The following NUFIP1 variants were observed in gnomAD, a reference collection of about 807,000 sequenced individuals.
NUFIP1 encodes the protein FMR1-interacting protein NUFIP1.
NUFIP1 carries 38 observed loss-of-function variants against 56.2 expected under a neutral mutation model. The ratio of observed to expected loss-of-function variants is 0.68; its 90% confidence interval spans 0.52 to 0.89. The LOEUF is 0.89. Among genes scored for constraint, NUFIP1 ranks in the 40% least tolerant of loss-of-function variants. The pLI is 0.00. For missense variants in NUFIP1, 567 were observed against 605.8 expected (o/e 0.94, Z 0.67); for synonymous variants, 215 against 212.4 (o/e 1.01, Z -0.10).
intron 8 of NUFIP1, among the ~76,000 whole-genome samples, chr13:44,949,406 T>C (rs1871009942): frequency 1.3e-5 from 2 of 151,674 alleles, no homozygotes; most frequent in South Asian, 2.1e-4. Context: ...TTTCACCGTT[T>C]TAGCCGGGAT....
intron 5 of NUFIP1, among the ~76,000 whole-genome samples, chr13:44,969,914 AC>A (rs1194319769): frequency 6.6e-6 from 1 of 152,216 alleles, no homozygotes; most frequent in Non-Finnish European, 1.5e-5. Flanking sequence ...CACAAGCTAC[AC>A]TATTGTACTT....
At position 44,949,840 on chromosome 13, in the gene NUFIP1, T is replaced by G; in HGVS notation, c.1022-2A>C. On this transcript the variant is annotated splice_acceptor_variant, in intron 7 of 9. Transcript: ENST00000379161. LOFTEE classifies it high-confidence loss of function. ...GTGGTTTCTCCTCCTTATCAGACTC[T>G]GAAGGGAAAAGAAGTCAGATTCAAA... The G allele has an allele frequency of 8.2e-7, 1 of 1,221,512 alleles. No individual in the cohort carries two copies. Among genetic ancestry groups the G allele is most frequent in the Non-Finnish European group, 1.2e-6 (1 of 827,370 alleles). 75.7% of individuals were successfully genotyped at this position (1,221,512 alleles called of 1,614,324 possible).
In NUFIP1 at chr13:44,989,364, C is replaced by G. The variant is rs1872573399; in HGVS notation, c.73G>C (p.Gly25Arg). ...GGCGGGGCAGTGTCGCTCAGGGGCC[C>G]TAACGTGGGAGTCAGCTCGGGAGAC... ...HASPELTPTLGPLSDTAPPRD... is the reference protein window; with the variant it reads ...HASPELTPTLRPLSDTAPPRD... Residue 25 changes from glycine to arginine, a missense_variant, in exon 1 of 10, where the codon GGG (glycine) becomes CGG (arginine). Gly to Arg is a moderately radical substitution (Grantham distance 125). Coordinates refer to ENST00000379161, the MANE Select transcript of NUFIP1 (RefSeq NM_012345.3). 2 of 1,613,380 alleles carry G rather than the reference C, an allele frequency of 1.2e-6. No homozygotes were observed. The highest frequency in any genetic ancestry group is 2.2e-5 in the East Asian group (1 of 44,830).
In NUFIP1 at chr13:44,951,955, G is replaced by A. The variant is rs1471128603; in HGVS notation, c.1022-2117C>T. 2.0e-5 allele frequency among the ~76,000 whole-genome samples: 3 copies of A among 152,320 alleles called. No individual in the cohort carries two copies. In the East Asian group the frequency reaches 5.8e-4, roughly 29 times the overall value. On this transcript the variant is annotated intron_variant, in intron 7 of 9. Coordinates refer to ENST00000379161, the MANE Select transcript of NUFIP1 (RefSeq NM_012345.3). ...AGGGTTGTGGTCACTAAAGGCTGGG[G>A]TGACTGTGGCAGTCTCTCTGCCTTG...
At chr13:44,986,966 C>A (rs1372584645) in intron 1 of NUFIP1, among the ~76,000 whole-genome samples, 1 of 152,096 alleles carries the variant, frequency 6.6e-6, no homozygotes, top group Non-Finnish European at 1.5e-5. Context: ...GGACCACAGG[C>A]ATTCCACCAC....
chr13:44,983,565 G>A (rs1320948320), intron 1 of NUFIP1, among the ~76,000 whole-genome samples: 1 of 152,136 alleles, frequency 6.6e-6, no homozygotes, highest in Non-Finnish European at 1.5e-5. Flanking sequence ...GGGAGGCCAA[G>A]GCGGGCAGAC....
chr13:44,986,046 C>T (rs893491211), intron 1 of NUFIP1, among the ~76,000 whole-genome samples: 4 of 152,168 alleles, frequency 2.6e-5, no homozygotes, highest in African/African-American at 9.7e-5. Flanking sequence ...GCCTCAAACT[C>T]CTGGGCTCAA....
At chr13:44,955,745 T>A (rs994484475) in intron 7 of NUFIP1, among the ~76,000 whole-genome samples, 4 of 151,714 alleles carry the variant, frequency 2.6e-5, no homozygotes, top group Non-Finnish European at 5.9e-5. Context: ...GGGTGTCCAA[T>A]CTTTTGGCCT....
At chr13:44,943,091 G>C (rs1465712735) in intron 9 of NUFIP1, among the ~76,000 whole-genome samples, 1 of 151,844 alleles carries the variant, frequency 6.6e-6, no homozygotes, top group South Asian at 2.1e-4. Context: ...GTTCTCAATA[G>C]ACATTTGTAC....
intron 2 of NUFIP1, 111 bp from the exon 3 acceptor site, chr13:44,980,931 T>C (rs1872167653): frequency 3.3e-6 from 2 of 614,538 alleles, no homozygotes; most frequent in South Asian, 4.4e-5. Flanking sequence ...CAATAACCCT[T>C]TCGTGTGGGA....
intron 1 of NUFIP1, among the ~76,000 whole-genome samples, chr13:44,982,814 C>T (rs544779367): frequency 1.3e-5 from 2 of 152,270 alleles, no homozygotes; most frequent in South Asian, 4.1e-4. Context: ...CATGACCAGC[C>T]TGGGTAACCT....
rs1274736013 is a variant in NUFIP1 at position 44,940,306 on chromosome 13, G to A, written c.*900C>T. 6.6e-6 allele frequency: 1 copy of A among 152,190 alleles called. No individual in the cohort carries two copies. Among genetic ancestry groups the A allele is most frequent in the African/African-American group, 2.4e-5 (1 of 41,440 alleles). The allele number at this position is 152,190 out of a possible 1,614,324, so 9.4% of individuals were successfully genotyped here. A position where few individuals can be genotyped will look rare whatever the true frequency, so the allele number is the denominator to read the frequency against. On this transcript the variant is annotated 3_prime_UTR_variant, in exon 10 of 10. Coordinates refer to ENST00000379161, the MANE Select transcript of NUFIP1 (RefSeq NM_012345.3). ...ATGCCAGGTGTTCCAAGATTCTGGA[G>A]AGGATTTTACCAACATGGAGGAGCT...
intron 8 of NUFIP1, among the ~76,000 whole-genome samples, chr13:44,944,609 C>A (rs1168870748): frequency 6.6e-6 from 1 of 151,990 alleles, no homozygotes; most frequent in Non-Finnish European, 1.5e-5. Context: ...AACACCCGAC[C>A]TAATACATTT....
intron 1 of NUFIP1, among the ~76,000 whole-genome samples, chr13:44,988,700 G>A (rs1228841086): frequency 6.6e-6 from 1 of 152,166 alleles, no homozygotes; most frequent in Non-Finnish European, 1.5e-5. Context: ...CAGTCAACAG[G>A]AAAACATTCT....
In NUFIP1 at chr13:44,979,888, AC is replaced by A. The variant is rs746529843; in HGVS notation, c.657+1del. The A allele has an allele frequency of 2.5e-6, 4 of 1,592,466 alleles. No homozygotes were observed. In the South Asian group the frequency reaches 4.7e-5, roughly 19 times the overall value. On this transcript the variant is annotated splice_donor_variant, in intron 4 of 9. Transcript: ENST00000379161. LOFTEE classifies it high-confidence loss of function. ...AAAATAGGATAAAAAAACAGAACTT[AC>A]ATTTCTCCAATGGAACTGGACAATC...
Position 44,989,074 on chromosome 13 carries a change from T to C in NUFIP1, c.363A>G (p.Arg121=), listed in dbSNP as rs763191482. ...GCCGAGGAAACCTATCAGAAGACTG[T>C]CTCCAATACCACGATGTGGAAGCAT... ...NFHASTSWYW[R]QSSDRFPRHQ... is the part of the protein sequence containing the mutation. The change falls in exon 1 of 10, where the codon AGA becomes AGG. Residue 121 remains arginine, a synonymous_variant. Transcript: ENST00000379161. 2.9e-5 allele frequency: 46 copies of C among 1,613,992 alleles called. No homozygotes were observed. Among genetic ancestry groups the C allele is most frequent in the Non-Finnish European group, 3.9e-5 (46 of 1,180,012 alleles).
chr13:44,944,954 G>GA (rs1351568566), intron 8 of NUFIP1, among the ~76,000 whole-genome samples: 1 of 151,990 alleles, frequency 6.6e-6, no homozygotes, highest in Non-Finnish European at 1.5e-5. Flanking sequence ...TTAGAAATGA[G>GA]AAAAGTCTAA....
rs1423608546 is a variant in NUFIP1, at chr13:44,939,597, C to T, written c.*1609G>A. The T allele has an allele frequency of 6.6e-6, 1 of 152,062 alleles. No individual in the cohort carries two copies. The highest frequency in any genetic ancestry group is 2.4e-5 in the African/African-American group (1 of 41,394). The allele number at this position is 152,062 out of a possible 1,614,324, so 9.4% of individuals were successfully genotyped here. A position where few individuals can be genotyped will look rare whatever the true frequency, so the allele number is the denominator to read the frequency against. On this transcript the variant is annotated 3_prime_UTR_variant, in exon 10 of 10. Coordinates refer to ENST00000379161, the MANE Select transcript of NUFIP1 (RefSeq NM_012345.3). ...TTCCATAAAGTAGAAACCATACAGG[C>T]TATATTATATCTCCTTAGAAATTTT...
rs1176197579 is a variant in NUFIP1 at position 44,959,445 on chromosome 13, C to A, written c.957G>T (p.Leu319Phe). 6.2e-7 allele frequency: 1 copy of A among 1,613,966 alleles called. No homozygotes were observed. Among genetic ancestry groups the A allele is most frequent in the African/African-American group, 1.3e-5 (1 of 74,928 alleles). The change falls in exon 7 of 10, where the codon TTG (leucine) becomes TTT (phenylalanine). Residue 319 changes from leucine (L) to phenylalanine (F), a missense_variant. Physicochemically the swap from Leu to Phe is conservative, Grantham distance 22. Transcript: ENST00000379161. ...VTGSGSHLCD[L>F]KLEGPPEANA... is the part of the protein sequence containing the mutation. ...TTGCCTCCGGTGGACCTTCTAGCTT[C>A]AAATCACACAAGTGACTGCCTGATC...
Sources: allele counts gnomAD v4.1 joint callset (sites outside exome capture counted in the v4.1 genomes callset), GRCh38; gene constraint gnomAD v4.1.1; transcripts MANE v1.5; gene names NCBI Gene and HGNC (gene_info 2026-07-23, HGNC 2026-07-21).